The following ADAMTS6 variants were observed in gnomAD, a reference collection of about 807,000 sequenced individuals.
ADAMTS6 encodes A disintegrin and metalloproteinase with thrombospondin motifs 6.
In ADAMTS6, 23 loss-of-function variants were observed where a neutral mutation model predicts 144.3. The ratio of observed to expected loss-of-function variants is 0.16; its 90% CI spans 0.11 to 0.23. The LOEUF is 0.23. Ranked by LOEUF, ADAMTS6 falls within the 10% of genes least tolerant of loss-of-function variation. ADAMTS6 has a pLI of 1.00. For missense variants in ADAMTS6, 999 were observed against 1,379.6 expected (o/e 0.72, Z 4.37); for synonymous variants, 444 against 457.5 (o/e 0.97, Z 0.38).
rs762623553 is a variant in ADAMTS6, at chr5:65,214,781, G to A, written c.2575+13C>T. On this transcript the variant is annotated intron_variant, in intron 20 of 24. Transcript: ENST00000381055. The surrounding 1 kb of genome is among the most constrained non-coding windows in gnomAD (Gnocchi z 4.6). Reference sequence around the variant, plus strand: ...TCTTGCCCTCTGGGTGGGCTGCCTAGTGGGCATCTTACCTCCAGCACAAGT... The same window carrying A: ...TCTTGCCCTCTGGGTGGGCTGCCTAATGGGCATCTTACCTCCAGCACAAGT... The A allele has an allele frequency of 6.2e-7, 1 of 1,614,026 alleles. No individual in the cohort carries two copies. Among genetic ancestry groups the A allele is most frequent in the Admixed American group, 1.7e-5 (1 of 60,018 alleles).
intron 7 of ADAMTS6, among the ~76,000 whole-genome samples, chr5:65,378,309 T>A (rs1262741347): frequency 1.3e-5 from 2 of 152,180 alleles, no homozygotes; most frequent in Non-Finnish European, 2.9e-5. Context: ...CTTGGAATAA[T>A]CTTTAACTTA....
chr5:65,199,619 T>C (rs1755606599), intron 20 of ADAMTS6, among the ~76,000 whole-genome samples: 1 of 151,924 alleles, frequency 6.6e-6, no homozygotes, highest in South Asian at 2.1e-4. Flanking sequence ...CCCCTTTAAT[T>C]TCAGGGCTAT....
intron 4 of ADAMTS6, among the ~76,000 whole-genome samples, chr5:65,457,577 G>C (rs532559452): frequency 6.6e-6 from 1 of 152,056 alleles, no homozygotes; most frequent in South Asian, 2.1e-4. Flanking sequence ...AATATGAAAG[G>C]ATTAAGAGAT....
chr5:65,220,987 GAA>G (rs1757288020), intron 18 of ADAMTS6, among the ~76,000 whole-genome samples: 1 of 152,054 alleles, frequency 6.6e-6, no homozygotes, highest in African/African-American at 2.4e-5. Context: ...CAATAAATTT[GAA>G]AACTTTGTTA....
chr5:65,291,587 T>C, intron 10 of ADAMTS6, 117 bp from the exon 11 acceptor site: 1 of 1,069,972 alleles, frequency 9.3e-7, no homozygotes, highest in Non-Finnish European at 1.3e-6. Flanking sequence ...AACAATACAT[T>C]CTCCCAATAA....
chr5:65,469,149 A>G (rs971487368), intron 3 of ADAMTS6, among the ~76,000 whole-genome samples: 1 of 152,206 alleles, frequency 6.6e-6, no homozygotes, highest in Non-Finnish European at 1.5e-5. Context: ...CTGTCTTATT[A>G]CATGTCAGGA....
At chr5:65,302,310 TATATAC>T (rs1413375128) in intron 9 of ADAMTS6, among the ~76,000 whole-genome samples, 1 of 145,056 alleles carries the variant, frequency 6.9e-6, no homozygotes, top group Non-Finnish European at 1.5e-5. Context: ...ATATAATTAT[TATATAC>T]ATATACATGT....
intron 15 of ADAMTS6, among the ~76,000 whole-genome samples, chr5:65,239,864 G>A (rs1759015628): frequency 6.6e-6 from 1 of 152,138 alleles, no homozygotes; most frequent in South Asian, 2.1e-4. Context: ...TGACAAGGAT[G>A]CACAACAAAT....
At chr5:65,175,403 A>AT (rs1414374296) in intron 22 of ADAMTS6, among the ~76,000 whole-genome samples, 1 of 151,818 alleles carries the variant, frequency 6.6e-6, no homozygotes. Flanking sequence ...TTAAGGAAAA[A>AT]AAAACAGTGT....
chr5:65,240,278 C>A (rs1384625375), intron 15 of ADAMTS6, among the ~76,000 whole-genome samples: 3 of 151,810 alleles, frequency 2.0e-5, no homozygotes, highest in Non-Finnish European at 4.4e-5. Context: ...CTAGAGTGAA[C>A]CACTTCTATA....
At chr5:65,346,116 G>A (rs1748293721) in intron 7 of ADAMTS6, among the ~76,000 whole-genome samples, 1 of 151,854 alleles carries the variant, frequency 6.6e-6, no homozygotes, top group Admixed American at 6.6e-5. Context: ...TTGAAGAAGA[G>A]GGACTACTTC....
At chr5:65,403,958 T>C (rs940437187) in intron 7 of ADAMTS6, among the ~76,000 whole-genome samples, 4 of 152,064 alleles carry the variant, frequency 2.6e-5, no homozygotes, top group Admixed American at 6.6e-5. Context: ...GAGTGCCTGA[T>C]ACAAATGAAT....
chr5:65,285,916 C>T (rs948578824), intron 11 of ADAMTS6, among the ~76,000 whole-genome samples: 1 of 152,076 alleles, frequency 6.6e-6, no homozygotes, highest in Non-Finnish European at 1.5e-5. Flanking sequence ...TTTTTAATAG[C>T]GAATGATCAG....
chr5:65,452,650 T>C, intron 5 of ADAMTS6, 57 bp downstream of exon 5: 1 of 1,571,024 alleles, frequency 6.4e-7, no homozygotes, highest in Non-Finnish European at 8.7e-7. Flanking sequence ...ATTTATGACC[T>C]TAGTCAAAAA....
At chr5:65,334,576 T>A (rs1747131190) in intron 7 of ADAMTS6, among the ~76,000 whole-genome samples, 1 of 152,194 alleles carries the variant, frequency 6.6e-6, no homozygotes, top group African/African-American at 2.4e-5. Flanking sequence ...AAAGATATTG[T>A]AATACAACAA....
intron 14 of ADAMTS6, among the ~76,000 whole-genome samples, chr5:65,253,616 A>G (rs560998073): frequency 3.3e-5 from 5 of 152,256 alleles, no homozygotes; most frequent in African/African-American, 1.2e-4. Flanking sequence ...ATTCTTTTAA[A>G]TCCTTTAAAT....
At chr5:65,164,081 G>A (rs920321921) in intron 24 of ADAMTS6, among the ~76,000 whole-genome samples, 3 of 152,160 alleles carry the variant, frequency 2.0e-5, no homozygotes, top group South Asian at 2.1e-4. Context: ...CGTGAGCGAC[G>A]CAGAAGACGG....
intron 7 of ADAMTS6, among the ~76,000 whole-genome samples, chr5:65,402,818 T>C (rs184699859): frequency 1.8e-3 from 281 of 152,158 alleles, no homozygotes; most frequent in Non-Finnish European, 2.6e-3. Flanking sequence ...CTCACTATCA[T>C]ACAATATATG....
intron 12 of ADAMTS6, among the ~76,000 whole-genome samples, chr5:65,264,846 A>G (rs1761484835): frequency 6.6e-6 from 1 of 152,156 alleles, no homozygotes; most frequent in Non-Finnish European, 1.5e-5. Context: ...AAAATTTATT[A>G]GATTAATTAA....
Sources: allele counts gnomAD v4.1 joint callset (sites outside exome capture counted in the v4.1 genomes callset), GRCh38; gene constraint gnomAD v4.1.1; non-coding constraint Gnocchi (gnomAD v3.1); transcripts MANE v1.5; gene names NCBI Gene and HGNC (gene_info 2026-07-23, HGNC 2026-07-21).